Variants in ARHGAP25 observed in about 807,000 individuals in gnomAD.
ARHGAP25 encodes rho GTPase-activating protein 25.
A neutral mutation model predicts 71.0 loss-of-function variants in ARHGAP25; 34 were observed. The ratio of observed to expected loss-of-function variants is 0.48; its 90% CI spans 0.36 to 0.64. The LOEUF (loss-of-function observed/expected upper bound fraction) is 0.64, where lower values mean the gene tolerates loss of function less well. Ranked by LOEUF, ARHGAP25 falls within the 30% of genes least tolerant of loss-of-function variation. ARHGAP25 has a pLI of 0.00. For synonymous variants in ARHGAP25, 282 were observed against 296.5 expected (o/e 0.95, Z 0.50); for missense variants, 706 against 805.1 (o/e 0.88, Z 1.49).
chr2:68,797,870 G>A (rs902657232), intron 4 of ARHGAP25, among the ~76,000 whole-genome samples: 2 of 152,174 alleles, frequency 1.3e-5, no homozygotes, highest in Non-Finnish European at 2.9e-5. Flanking sequence ...CAGCAGAAAG[G>A]CACTCACTCA....
chr2:68,824,996 G>A (rs1298620149), intron 10 of ARHGAP25, among the ~76,000 whole-genome samples: 1 of 152,152 alleles, frequency 6.6e-6, no homozygotes, highest in African/African-American at 2.4e-5. Flanking sequence ...CACACAATCG[G>A]CATGTGTACA....
chr2:68,819,329 A>G lies in ARHGAP25; in HGVS notation c.1200+10A>G. 1 of 1,613,374 alleles carries G rather than the reference A, an allele frequency of 6.2e-7. No individual in the cohort carries two copies. Reference sequence around the variant, plus strand: ...CAGCTTCAGTAGCATGGTAAGGTGCAGAGAACCTTCCTGCTTCCATTGGGT... The same window carrying G: ...CAGCTTCAGTAGCATGGTAAGGTGCGGAGAACCTTCCTGCTTCCATTGGGT... On this transcript the variant is annotated intron_variant, in intron 9 of 10. Coordinates refer to ENST00000409202, the MANE Select transcript of ARHGAP25 (RefSeq NM_001007231.3).
chr2:68,790,134 A>C (rs963449493), intron 4 of ARHGAP25, among the ~76,000 whole-genome samples: 1 of 152,134 alleles, frequency 6.6e-6, no homozygotes, highest in African/African-American at 2.4e-5. Flanking sequence ...GATTACAGGC[A>C]TGTGCCACCA....
At chr2:68,713,137 A>G (rs1674527700) in intron 2 of ARHGAP25, among the ~76,000 whole-genome samples, 1 of 152,196 alleles carries the variant, frequency 6.6e-6, no homozygotes, top group African/African-American at 2.4e-5. Context: ...CTTCCTATCC[A>G]TGAGCACAGA....
chr2:68,732,303 C>T (rs929208103), upstream of ARHGAP25, among the ~76,000 whole-genome samples: 4 of 152,136 alleles, frequency 2.6e-5, no homozygotes, highest in African/African-American at 7.2e-5. Context: ...AGGAACCTAC[C>T]CTGAAAAGTA....
intron 6 of ARHGAP25, 146 bp from the exon 7 acceptor site, chr2:68,816,143 T>TA: frequency 4.5e-6 from 3 of 665,384 alleles, no homozygotes; most frequent in Admixed American, 2.5e-5. Flanking sequence ...TTTTTTTTTT[T>TA]AAACCCACAG....
chr2:68,807,788 C>G (rs918451010), intron 5 of ARHGAP25, among the ~76,000 whole-genome samples: 1 of 152,116 alleles, frequency 6.6e-6, no homozygotes, highest in South Asian at 2.1e-4. Context: ...AAAGATGGGA[C>G]GTTGCCTGAG....
intron 2 of ARHGAP25, among the ~76,000 whole-genome samples, chr2:68,717,116 T>G (rs1674628453): frequency 6.6e-6 from 1 of 152,212 alleles, no homozygotes; most frequent in Non-Finnish European, 1.5e-5. Context: ...GTACGGGCTA[T>G]TGCTCCTAGA....
chr2:68,745,400 C>T (rs1675754152), intron 1 of ARHGAP25, among the ~76,000 whole-genome samples: 1 of 152,210 alleles, frequency 6.6e-6, no homozygotes, highest in Non-Finnish European at 1.5e-5. Flanking sequence ...GCCACCATTC[C>T]ATTGGTCCCA....
chr2:68,711,683 C>T (rs4854494), intron 2 of ARHGAP25, among the ~76,000 whole-genome samples: 5 of 142,952 alleles, frequency 3.5e-5, no homozygotes, highest in Non-Finnish European at 7.7e-5. Context: ...ACCCACCCCC[C>T]GCAGGCCCCA....
Position 68,826,022 on chromosome 2 carries a change from T to A in ARHGAP25, c.1769T>A (p.Val590Glu), listed in dbSNP as rs1432362262. Reference protein sequence around the residue: ...EKENYDVWAKVVRLNEELEKE... With the variant: ...EKENYDVWAKEVRLNEELEKE... The stretch of plus-strand genomic sequence containing the variant: ...GAAAATTATGACGTTTGGGCTAAAG[T>A]GGTGAGGCTCAATGAAGAACTGGAG... Residue 590 changes from valine to glutamate, a missense_variant, in exon 11 of 11, where the codon GTG becomes GAG. Coordinates refer to ENST00000409202, the MANE Select transcript of ARHGAP25 (RefSeq NM_001007231.3). 1.9e-6 allele frequency: 3 copies of A among 1,613,730 alleles called. No individual in the cohort carries two copies. In the African/African-American group the frequency reaches 4.0e-5, roughly 22 times the overall value.
intron 2 of ARHGAP25, among the ~76,000 whole-genome samples, chr2:68,725,984 A>G (rs556024771): frequency 6.6e-6 from 1 of 152,292 alleles, no homozygotes; most frequent in Non-Finnish European, 1.5e-5. Flanking sequence ...CCAACTATTT[A>G]AAAATGCAAT....
At chr2:68,760,775 C>T (rs1676760476) in intron 1 of ARHGAP25, among the ~76,000 whole-genome samples, 1 of 150,174 alleles carries the variant, frequency 6.7e-6, no homozygotes, top group South Asian at 2.1e-4. Context: ...AGATTTAATG[C>T]AATTCCTATC....
At chr2:68,816,593 T>G (rs1434485123) in intron 7 of ARHGAP25, 1 of 520,834 alleles carries the variant, frequency 1.9e-6, no homozygotes, top group African/African-American at 1.9e-5. Flanking sequence ...GCCTCAGCAC[T>G]GCCCAGAGTC....
intron 2 of ARHGAP25, among the ~76,000 whole-genome samples, chr2:68,728,446 A>G (rs1384706400): frequency 6.6e-6 from 1 of 152,222 alleles, no homozygotes; most frequent in Non-Finnish European, 1.5e-5. Context: ...AAATTTAAAC[A>G]TAAAGTCACC....
intron 3 of ARHGAP25, among the ~76,000 whole-genome samples, chr2:68,783,035 A>G (rs950671087): frequency 6.6e-6 from 1 of 152,228 alleles, no homozygotes; most frequent in Non-Finnish European, 1.5e-5. Context: ...AGGAGGCCAC[A>G]TGGCCCCTGA....
At chr2:68,711,677 A>AC (rs1447468523) in intron 2 of ARHGAP25, among the ~76,000 whole-genome samples, 1 of 45,646 alleles carries the variant, frequency 2.2e-5, no homozygotes, top group African/African-American at 8.1e-5. Flanking sequence ...CCAGCCACCC[A>AC]CCCCCCGCAG....
chr2:68,717,856 A>T (rs1674652054), intron 2 of ARHGAP25, among the ~76,000 whole-genome samples: 1 of 152,176 alleles, frequency 6.6e-6, no homozygotes, highest in African/African-American at 2.4e-5. Context: ...ATATAAATTT[A>T]TTCTTCCTTT....
chr2:68,719,734 A>G (rs547555522), intron 2 of ARHGAP25, among the ~76,000 whole-genome samples: 1 of 152,060 alleles, frequency 6.6e-6, no homozygotes, highest in Non-Finnish European at 1.5e-5. Flanking sequence ...TATACATGAA[A>G]CCTACTTCTT....
Sources: gnomAD v4.1 joint callset for allele counts (sites outside exome capture counted in the v4.1 genomes callset) on GRCh38, gnomAD v4.1.1 for gene constraint, MANE v1.5 for transcripts, NCBI Gene and HGNC (gene_info 2026-07-23, HGNC 2026-07-21) for gene names.